SLC30A9: variants seen among roughly 807,000 people sequenced by gnomAD.
SLC30A9 encodes proton-coupled zinc antiporter SLC30A9, mitochondrial.
In SLC30A9, 58 loss-of-function variants were observed where a neutral mutation model predicts 87.5. The observed-to-expected ratio is 0.66, with a 90% CI of 0.54 to 0.82. The LOEUF (loss-of-function observed/expected upper bound fraction) is 0.82, where lower values mean the gene tolerates loss of function less well. SLC30A9 is among the 40% of genes least tolerant of loss of function. The probability of loss-of-function intolerance (pLI) is 0.00; values close to 1 mark genes in which losing one functional copy is unlikely to be tolerated. For missense variants in SLC30A9, 557 were observed against 679.1 expected, an observed-to-expected ratio of 0.82 and a Z score of 2.00; for synonymous variants, 234 against 233.0, an observed-to-expected ratio of 1.00 and a Z score of -0.04.
rs60674814 is a variant in SLC30A9 at position 42,076,041 on chromosome 4, T to C, written c.1548+255T>C. 6.4e-3 allele frequency among the ~76,000 whole-genome samples: 976 copies of C among 152,288 alleles called. 15 individuals carry two copies. Among genetic ancestry groups the C allele is most frequent in the African/African-American group, 0.023 (938 of 41,576 alleles). On this transcript the variant is annotated intron_variant, in intron 16 of 17. Coordinates refer to ENST00000264451, the MANE Select transcript of SLC30A9 (RefSeq NM_006345.4). ...TAATTTACCCTCAACAACCCTGTTA[T>C]TTCAACAATGAAATAACATTTTTAT...
chr4:42,027,325 A>G (rs1248737976), intron 6 of SLC30A9, among the ~76,000 whole-genome samples: 1 of 152,246 alleles, frequency 6.6e-6, no homozygotes, highest in Non-Finnish European at 1.5e-5. Flanking sequence ...CTGCCTTTGC[A>G]CTACCAACAG....
chr4:42,001,783 A>G lies in SLC30A9; in HGVS notation c.274+3A>G, dbSNP rs752407689. 6.3e-7 allele frequency: 1 copy of G among 1,596,072 alleles called. No homozygotes were observed. The highest frequency in any genetic ancestry group is 1.8e-5 in the Admixed American group (1 of 55,862). ...AAAAGTACCATCATTTGAAACAGGT[A>G]TGTGTAATTTTTTTAATGTACTTTT... On this transcript the variant is annotated splice_donor_region_variant and intron_variant, in intron 2 of 17. Transcript: ENST00000264451.
At chr4:42,034,832 A>G (rs930130549) in intron 6 of SLC30A9, among the ~76,000 whole-genome samples, 4 of 152,082 alleles carry the variant, frequency 2.6e-5, no homozygotes, top group Non-Finnish European at 5.9e-5. Context: ...TCTATGTTAC[A>G]GTTTTTTTTA....
chr4:42,043,234 G>A (rs746229887), intron 8 of SLC30A9, among the ~76,000 whole-genome samples: 6 of 152,084 alleles, frequency 3.9e-5, no homozygotes, highest in South Asian at 2.1e-4. Flanking sequence ...TGAGTTTGAC[G>A]AAGTAGGCTT....
chr4:42,016,915 C>T (rs150153618), intron 2 of SLC30A9, among the ~76,000 whole-genome samples: 1 of 152,136 alleles, frequency 6.6e-6, no homozygotes, highest in Non-Finnish European at 1.5e-5. Context: ...GTACCTCTGT[C>T]CTTGTGCCCT....
At chr4:42,059,942 C>T (rs1717776164) in intron 9 of SLC30A9, among the ~76,000 whole-genome samples, 1 of 151,930 alleles carries the variant, frequency 6.6e-6, no homozygotes. Flanking sequence ...TTTGTCATTC[C>T]CAATTGATGG....
chr4:42,044,740 A>AC (rs1480686244), intron 8 of SLC30A9, among the ~76,000 whole-genome samples: 1 of 152,190 alleles, frequency 6.6e-6, no homozygotes, highest in Non-Finnish European at 1.5e-5. Flanking sequence ...AGAACTCTCA[A>AC]CCCCAAGTCA....
intron 17 of SLC30A9, chr4:42,078,927 A>G (rs564175401): frequency 6.6e-6 from 1 of 152,202 alleles, no homozygotes; most frequent in East Asian, 1.9e-4. Flanking sequence ...TGTTGAAGGC[A>G]GTGCTTTTTC....
intron 2 of SLC30A9, among the ~76,000 whole-genome samples, chr4:42,014,694 C>A (rs915986277): frequency 6.6e-6 from 1 of 152,050 alleles, no homozygotes. Context: ...AAGATATGGT[C>A]TATATATACA....
intron 9 of SLC30A9, among the ~76,000 whole-genome samples, chr4:42,057,508 A>C (rs2153139366): frequency 6.6e-6 from 1 of 152,312 alleles, no homozygotes; most frequent in Non-Finnish European, 1.5e-5. Context: ...CAGCTGGAGC[A>C]GCTGGGATGC....
At chr4:42,083,974 G>A (rs1560564124) in intron 17 of SLC30A9, among the ~76,000 whole-genome samples, 1 of 152,156 alleles carries the variant, frequency 6.6e-6, no homozygotes, top group African/African-American at 2.4e-5. Context: ...TCAGTAGAGT[G>A]TTCTTGCTGG....
chr4:42,033,461 G>A (rs1577697472), intron 6 of SLC30A9, among the ~76,000 whole-genome samples: 1 of 151,824 alleles, frequency 6.6e-6, no homozygotes. Flanking sequence ...CAACATTAGC[G>A]AGACCATTTT....
chr4:42,000,591 A>T (rs1318514321), intron 1 of SLC30A9, among the ~76,000 whole-genome samples: 3 of 152,090 alleles, frequency 2.0e-5, no homozygotes, highest in Non-Finnish European at 4.4e-5. Context: ...TTGAGTGAAT[A>T]CTTATGTTCC....
intron 6 of SLC30A9, among the ~76,000 whole-genome samples, chr4:42,032,102 C>T (rs544938224): frequency 6.6e-6 from 1 of 152,272 alleles, no homozygotes; most frequent in East Asian, 1.9e-4. Flanking sequence ...AGGTGCCTCA[C>T]ACTTTTAAAT....
At chr4:42,053,553 G>T (rs1717468825) in intron 9 of SLC30A9, among the ~76,000 whole-genome samples, 1 of 151,910 alleles carries the variant, frequency 6.6e-6, no homozygotes. Flanking sequence ...GCTGGGCATG[G>T]TGATGGGCCC....
intron 17 of SLC30A9, among the ~76,000 whole-genome samples, chr4:42,079,311 T>TA (rs1329616287): frequency 6.6e-6 from 1 of 151,552 alleles, no homozygotes; most frequent in African/African-American, 2.4e-5. Context: ...TTTTTTTTTT[T>TA]AACTAAGAAT....
chr4:42,090,345 T>A lies in SLC30A9; in HGVS notation c.*4219T>A, dbSNP rs1039277441. ...GACTTGGCTTTATGCAAAAAGAAAA[T>A]TTTTATTCGTTATATTGTATTTCAT... On this transcript the variant is annotated 3_prime_UTR_variant, in exon 18 of 18. Transcript: ENST00000264451. The A allele has an allele frequency of 1.3e-5, 2 of 152,162 alleles. No individual in the cohort carries two copies. Among genetic ancestry groups the A allele is most frequent in the Non-Finnish European group, 2.9e-5 (2 of 68,034 alleles). 9.4% of individuals were successfully genotyped at this position (152,162 alleles called of 1,614,324 possible).
intron 16 of SLC30A9, among the ~76,000 whole-genome samples, chr4:42,076,838 T>C (rs1718573656): frequency 6.6e-6 from 1 of 151,934 alleles, no homozygotes; most frequent in African/African-American, 2.4e-5. Flanking sequence ...GGTGCGTGCC[T>C]GTAGTCCCAG....
chr4:42,023,882 TG>T (rs1388718578), intron 6 of SLC30A9, among the ~76,000 whole-genome samples: 1 of 152,100 alleles, frequency 6.6e-6, no homozygotes, highest in Non-Finnish European at 1.5e-5. Flanking sequence ...AGACAGCGTG[TG>T]TGTAGGAGGA....
Sources: gnomAD v4.1 joint callset for allele counts (sites outside exome capture counted in the v4.1 genomes callset) on GRCh38, gnomAD v4.1.1 for gene constraint, MANE v1.5 for transcripts, NCBI Gene and HGNC (gene_info 2026-07-23, HGNC 2026-07-21) for gene names.